The following FYN variants were observed in gnomAD, a reference collection of about 807,000 sequenced individuals.
The protein encoded by FYN is FYN proto-oncogene, Src family tyrosine kinase.
A neutral mutation model predicts 70.2 loss-of-function variants in FYN; 10 were observed. The ratio of observed to expected loss-of-function variants is 0.14; its 90% CI spans 0.09 to 0.24. The LOEUF is 0.24. FYN is among the 10% of genes least tolerant of loss of function. FYN has a pLI of 1.00. For missense variants in FYN, 319 were observed against 673.1 expected, an observed-to-expected ratio of 0.47 and a Z score of 5.82; for synonymous variants, 236 against 248.6, an observed-to-expected ratio of 0.95 and a Z score of 0.48.
intron 3 of FYN, among the ~76,000 whole-genome samples, chr6:111,743,853 T>C (rs1802090451): frequency 6.6e-6 from 1 of 152,178 alleles, no homozygotes; most frequent in South Asian, 2.1e-4. Context: ...TTTGTTAATG[T>C]CTGAAAAGAT....
intron 2 of FYN, among the ~76,000 whole-genome samples, chr6:111,822,645 T>A (rs1393106348): frequency 1.3e-5 from 2 of 150,164 alleles, no homozygotes; most frequent in Admixed American, 6.6e-5. Flanking sequence ...TATATAAAAT[T>A]TAAAAAATAA....
chr6:111,664,751 TCTC>T (rs71788823), intron 13 of FYN, among the ~76,000 whole-genome samples: 5,581 of 152,290 alleles, frequency 0.037, 124 homozygotes, highest in East Asian at 0.096. Context: ...CTCCTCTTCT[TCTC>T]CTGCTTTCTT....
chr6:111,829,722 T>C (rs1229372930), intron 2 of FYN, among the ~76,000 whole-genome samples: 1 of 152,222 alleles, frequency 6.6e-6, no homozygotes, highest in African/African-American at 2.4e-5. Context: ...TGTCGGATGA[T>C]GTAGTTGGAA....
At chr6:111,802,224 CTCCCCCTCTCCTCTCCCACT>C (rs1244374220) in intron 2 of FYN, among the ~76,000 whole-genome samples, 2 of 151,896 alleles carry the variant, frequency 1.3e-5, no homozygotes, top group East Asian at 1.9e-4. Context: ...CATGTGGCAC[CTCCCCCTCTCCTCTCCCACT>C]TCCCCCTCTC....
intron 13 of FYN, among the ~76,000 whole-genome samples, chr6:111,671,132 T>C (rs927303476): frequency 2.0e-5 from 3 of 152,360 alleles, no homozygotes; most frequent in East Asian, 1.9e-4. Flanking sequence ...GGTAAGGTGA[T>C]GTAACTTTTC....
chr6:111,732,956 A>G (rs1253483637), intron 3 of FYN, among the ~76,000 whole-genome samples: 1 of 152,112 alleles, frequency 6.6e-6, no homozygotes, highest in Non-Finnish European at 1.5e-5. Context: ...TGTGTGGGCC[A>G]CTGCTTCTTT....
At chr6:111,854,053 C>T (rs951269799) in intron 1 of FYN, among the ~76,000 whole-genome samples, 4 of 152,116 alleles carry the variant, frequency 2.6e-5, no homozygotes, top group Admixed American at 6.5e-5. Flanking sequence ...TGCCTGTTGT[C>T]GCAGCAGACA....
chr6:111,787,031 T>C (rs990917838), intron 2 of FYN, among the ~76,000 whole-genome samples: 1 of 152,162 alleles, frequency 6.6e-6, no homozygotes, highest in Non-Finnish European at 1.5e-5. Flanking sequence ...TTCGCTCTGA[T>C]GGTAGTTTCT....
In FYN at chr6:111,700,279, A is replaced by G. The variant is rs1252476243; in HGVS notation, c.698-11T>C. The G allele has an allele frequency of 3.7e-6, 6 of 1,613,898 alleles. No homozygotes were observed. Among genetic ancestry groups the G allele is most frequent in the Non-Finnish European group, 5.1e-6 (6 of 1,179,918 alleles). On this transcript the variant is annotated splice_polypyrimidine_tract_variant and intron_variant, in intron 8 of 13. Coordinates refer to ENST00000354650, the MANE Select transcript of FYN (RefSeq NM_002037.5). ...GACCTGCAGCTCTCTCTGATGGAGCAGGGCAGGGGCAGGAGAGGGAGAGAA... is the reference window on the plus strand; with the variant it reads ...GACCTGCAGCTCTCTCTGATGGAGCGGGGCAGGGGCAGGAGAGGGAGAGAA...
In FYN at chr6:111,786,591, T is replaced by G. The variant is rs112067351; in HGVS notation, c.-81-5956A>C. Among the ~76,000 whole-genome samples, 402 of 152,342 alleles carry G rather than the reference T, an allele frequency of 2.6e-3. 4 individuals are homozygous for G. The highest frequency in any genetic ancestry group is 8.9e-3 in the African/African-American group (371 of 41,586). On this transcript the variant is annotated intron_variant, in intron 2 of 13. Transcript: ENST00000354650. ...CCCAGTATATACCCAGTAATGGGAT[T>G]GCTGGGTCAAATGGTATTTCTAGTT...
chr6:111,773,593 GGAAAGGGA>G (rs1803573310), intron 3 of FYN, among the ~76,000 whole-genome samples: 1 of 83,826 alleles, frequency 1.2e-5, no homozygotes, highest in African/African-American at 4.9e-5. Flanking sequence ...GGAGGGAAAG[GGAAAGGGA>G]GAGAGGGGGA....
chr6:111,668,068 G>A (rs994920578), intron 13 of FYN, among the ~76,000 whole-genome samples: 4 of 152,224 alleles, frequency 2.6e-5, no homozygotes, highest in Admixed American at 2.0e-4. Context: ...TAAAAGGCCC[G>A]GTGTTTACAT....
rs150483154 is a variant in FYN at position 111,837,568 on chromosome 6, T to C, written c.-82+9021A>G. Among the ~76,000 whole-genome samples, 92 of 152,336 alleles carry C rather than the reference T, an allele frequency of 6.0e-4. 1 individual carries two copies. The highest frequency in any genetic ancestry group is 1.1e-3 in the Non-Finnish European group (78 of 68,034). The stretch of plus-strand genomic sequence containing the variant: ...GAGTTAGTCCATCCATGGCCAGTAC[T>C]GACCAAAGAAAGGGGGTACAACAAG... On this transcript the variant is annotated intron_variant, in intron 2 of 13. Transcript: ENST00000354650.
intron 3 of FYN, among the ~76,000 whole-genome samples, chr6:111,735,139 CGTAAGTGTTCTTACGGCTTATTTGAT>C (rs1425988893): frequency 6.6e-6 from 1 of 152,196 alleles, no homozygotes; most frequent in Non-Finnish European, 1.5e-5. Flanking sequence ...CTCAAAGAAC[CGTAAGTGTTCTTACGGCTTATTTGAT>C]TTATGGCCAT....
intron 3 of FYN, among the ~76,000 whole-genome samples, chr6:111,749,933 C>T (rs72942120): frequency 0.023 from 3,470 of 151,602 alleles, 72 homozygotes; most frequent in African/African-American, 0.05. Flanking sequence ...ATGATTTCTC[C>T]TGGAAAAAAA....
At chr6:111,822,657 GAC>G (rs1435426451) in intron 2 of FYN, among the ~76,000 whole-genome samples, 1 of 150,174 alleles carries the variant, frequency 6.7e-6, no homozygotes, top group African/African-American at 2.4e-5. Flanking sequence ...AAAAAATAAA[GAC>G]AGAGACAATA....
intron 7 of FYN, 60 bp downstream of exon 7, chr6:111,703,939 C>T: frequency 1.6e-6 from 2 of 1,287,782 alleles, no homozygotes; most frequent in Non-Finnish European, 2.3e-6. Flanking sequence ...AGCCTTTCAT[C>T]CCCTCTGACT....
chr6:111,725,766 G>A (rs1008759603), intron 3 of FYN, among the ~76,000 whole-genome samples: 1 of 152,210 alleles, frequency 6.6e-6, no homozygotes, highest in Non-Finnish European at 1.5e-5. Context: ...AAATGACATT[G>A]TGGTAGGGAG....
chr6:111,671,805 C>T (rs1260802839), intron 13 of FYN, among the ~76,000 whole-genome samples: 2 of 152,186 alleles, frequency 1.3e-5, no homozygotes, highest in Non-Finnish European at 2.9e-5. Context: ...CTTCGTGAAA[C>T]CTCTTGTTCC....
Sources: gnomAD v4.1 joint callset for allele counts (sites outside exome capture counted in the v4.1 genomes callset) on GRCh38, gnomAD v4.1.1 for gene constraint, MANE v1.5 for transcripts, NCBI Gene and HGNC (gene_info 2026-07-23, HGNC 2026-07-21) for gene names.